Variants in CARMIL1 observed in about 807,000 individuals in gnomAD.
CARMIL1 encodes the protein F-actin-uncapping protein LRRC16A.
CARMIL1 carries 90 observed loss-of-function variants against 177.1 expected under a neutral mutation model. That is an observed-to-expected ratio of 0.51 (90% CI 0.43 to 0.61). CARMIL1 has a LOEUF of 0.61. Ranked by LOEUF, CARMIL1 falls within the 20% of genes least tolerant of loss-of-function variation. CARMIL1 has a pLI of 0.00. For missense variants in CARMIL1, 1,380 were observed against 1,667.0 expected (o/e 0.83, Z 3.00); for synonymous variants, 577 against 606.2 (o/e 0.95, Z 0.71).
intron 2 of CARMIL1, among the ~76,000 whole-genome samples, chr6:25,365,289 T>G (rs1019074721): frequency 6.6e-6 from 1 of 152,130 alleles, no homozygotes; most frequent in Non-Finnish European, 1.5e-5. Flanking sequence ...TGCACATCAT[T>G]TCTTGAATCC....
intron 2 of CARMIL1, among the ~76,000 whole-genome samples, chr6:25,324,291 A>C (rs902037146): frequency 6.6e-6 from 1 of 151,816 alleles, no homozygotes; most frequent in Non-Finnish European, 1.5e-5. Flanking sequence ...ATGGTGTCAG[A>C]GTTCACAGTG....
chr6:25,613,666 C>G (rs756949806), intron 36 of CARMIL1, among the ~76,000 whole-genome samples: 1 of 152,196 alleles, frequency 6.6e-6, no homozygotes, highest in Non-Finnish European at 1.5e-5. Context: ...CATCTCTTCC[C>G]TGGTTAATAT....
In CARMIL1 at chr6:25,279,778, C is replaced by T. The variant is rs1780923694; in HGVS notation, c.-18C>T. On this transcript the variant is annotated 5_prime_UTR_variant, in exon 1 of 37. Transcript: ENST00000329474. ...TCAGAGTTGGACCTGCAATAACCCC[C>T]ACACCTACAGGGCAACCATGACCGA... The T allele has an allele frequency of 1.9e-6, 3 of 1,613,644 alleles. No homozygotes were observed. The South Asian group carries it at 3.3e-5, about 18-fold the overall frequency.
At chr6:25,301,748 G>A (rs574443730) in intron 2 of CARMIL1, among the ~76,000 whole-genome samples, 2 of 152,276 alleles carry the variant, frequency 1.3e-5, no homozygotes, top group Admixed American at 6.5e-5. Flanking sequence ...AGATTCTCAC[G>A]GGCAGTTGAA....
chr6:25,406,385 C>G (rs1300439005), intron 2 of CARMIL1, among the ~76,000 whole-genome samples: 1 of 152,060 alleles, frequency 6.6e-6, no homozygotes, highest in East Asian at 1.9e-4. Context: ...GAGGTGGAGG[C>G]AGGGGCCAGT....
At chr6:25,526,136 C>A (rs565297158) in intron 23 of CARMIL1, among the ~76,000 whole-genome samples, 24 of 147,674 alleles carry the variant, frequency 1.6e-4, no homozygotes, top group African/African-American at 5.8e-4. Context: ...GAAACCCTGT[C>A]TCTACTAAAA....
At position 25,551,088 on chromosome 6, in the gene CARMIL1, A is replaced by G. The variant is rs764673717; in HGVS notation, c.2504+3A>G. 2.5e-6 allele frequency: 4 copies of G among 1,611,162 alleles called. No homozygotes were observed. The South Asian group carries it at 3.3e-5, about 13-fold the overall frequency. On this transcript the variant is annotated splice_donor_region_variant and intron_variant, in intron 27 of 36. Transcript: ENST00000329474. ...ATTGATATCCTTAACAAAATTAGGTAGGTTTATAATGTTAATAAACCTAGG... is the reference window on the plus strand; with the variant it reads ...ATTGATATCCTTAACAAAATTAGGTGGGTTTATAATGTTAATAAACCTAGG...
chr6:25,537,679 A>G (rs1043195277), intron 24 of CARMIL1, among the ~76,000 whole-genome samples, 176 bp from the exon 25 acceptor site: 1 of 152,240 alleles, frequency 6.6e-6, no homozygotes, highest in Non-Finnish European at 1.5e-5. Flanking sequence ...AAGTAAATTA[A>G]TAATTGCTTA....
chr6:25,554,562 C>G lies in CARMIL1; in HGVS notation c.2592+466C>G, dbSNP rs1392800705. On this transcript the variant is annotated intron_variant, in intron 28 of 36. Coordinates refer to ENST00000329474, the MANE Select transcript of CARMIL1 (RefSeq NM_017640.6). The surrounding 1 kb of genome is among the most constrained non-coding windows in gnomAD (Gnocchi z 4.6). ...TAGCTGCTGACTGCCCCACAGGTGC[C>G]TTGGATATAACCAAGGTAAAAAAAA... Among the ~76,000 whole-genome samples, 6 of 152,054 alleles carry G rather than the reference C, an allele frequency of 3.9e-5. No individual in the cohort carries two copies. The highest frequency in any genetic ancestry group is 7.4e-5 in the Non-Finnish European group (5 of 67,994).
At position 25,619,256 on chromosome 6, in the gene CARMIL1, C is replaced by T. The variant is rs1370508610; in HGVS notation, c.3980-191C>T. 2.6e-5 allele frequency among the ~76,000 whole-genome samples: 4 copies of T among 152,160 alleles called. No individual in the cohort carries two copies. The East Asian group carries it at 7.7e-4, about 29-fold the overall frequency. On this transcript the variant is annotated intron_variant, in intron 36 of 36. Coordinates refer to ENST00000329474, the MANE Select transcript of CARMIL1 (RefSeq NM_017640.6). ...TTGTGTGTGTTTTCTCATGTTGTTT[C>T]TGCTTTGTTGGTTTGTTTTACATTT...
At chr6:25,502,048 T>C (rs569238409) in intron 17 of CARMIL1, among the ~76,000 whole-genome samples, 148 of 147,664 alleles carry the variant, frequency 1.0e-3, no homozygotes, top group Non-Finnish European at 1.4e-3. Context: ...TAACCTTGCG[T>C]TGTGGAATTT....
At position 25,394,851 on chromosome 6, in the gene CARMIL1, T is replaced by C. The variant is rs187453714; in HGVS notation, c.139-25263T>C. Among the ~76,000 whole-genome samples, 4 of 152,368 alleles carry C rather than the reference T, an allele frequency of 2.6e-5. No homozygotes were observed. In the East Asian group the frequency reaches 7.7e-4, roughly 29 times the overall value. On this transcript the variant is annotated intron_variant, in intron 2 of 36. Transcript: ENST00000329474. ...CAAATGAGTACTACCTATTTGGAAA[T>C]GTCTTACTGTTTATAAGTAAATATG...
intron 2 of CARMIL1, among the ~76,000 whole-genome samples, chr6:25,358,939 A>G (rs1213573999): frequency 6.6e-6 from 1 of 152,220 alleles, no homozygotes; most frequent in Non-Finnish European, 1.5e-5. Flanking sequence ...ATTTTATTAT[A>G]TGATCATTGT....
chr6:25,444,921 T>C (rs555163279), intron 5 of CARMIL1, among the ~76,000 whole-genome samples: 47 of 152,358 alleles, frequency 3.1e-4, no homozygotes, highest in African/African-American at 1.1e-3. Flanking sequence ...ATGGTAATTC[T>C]AGTTCTAGAT....
chr6:25,342,129 A>C (rs541381646), intron 2 of CARMIL1, among the ~76,000 whole-genome samples: 1 of 152,204 alleles, frequency 6.6e-6, no homozygotes, highest in African/African-American at 2.4e-5. Context: ...AGACTTTGGC[A>C]TAAGAATGGT....
intron 17 of CARMIL1, among the ~76,000 whole-genome samples, chr6:25,502,276 A>G (rs1301896889): frequency 6.6e-6 from 1 of 151,226 alleles, no homozygotes; most frequent in African/African-American, 2.4e-5. Flanking sequence ...AAAAAAAAAC[A>G]CCAGGCTGGG....
chr6:25,465,625 C>T (rs6900696), intron 8 of CARMIL1: 5,988 of 441,622 alleles, frequency 0.014, 191 homozygotes, highest in African/African-American at 0.083. Flanking sequence ...GTTTTTCAAG[C>T]AAATTCTGAT....
chr6:25,473,669 C>T (rs1582073438), intron 11 of CARMIL1, among the ~76,000 whole-genome samples: 1 of 152,248 alleles, frequency 6.6e-6, no homozygotes, highest in Non-Finnish European at 1.5e-5. Context: ...GGAAGTGGAC[C>T]AGTGCAGTTC....
At chr6:25,441,333 A>ATGTGTG (rs1211206689) in intron 5 of CARMIL1, among the ~76,000 whole-genome samples, 5,702 of 66,568 alleles carry the variant, frequency 0.086, 149 homozygotes, top group Middle Eastern at 0.15. Context: ...ATATATATAT[A>ATGTGTG]TATATGTGTG....
Sources: allele counts gnomAD v4.1 joint callset (sites outside exome capture counted in the v4.1 genomes callset), GRCh38; gene constraint gnomAD v4.1.1; non-coding constraint Gnocchi (gnomAD v3.1); transcripts MANE v1.5; gene names NCBI Gene and HGNC (gene_info 2026-07-23, HGNC 2026-07-21).